DDR2: variants seen among roughly 807,000 people sequenced by gnomAD.
The protein encoded by DDR2 is discoidin domain-containing receptor 2.
In DDR2, 27 loss-of-function variants were observed where a neutral mutation model predicts 94.9. The ratio of observed to expected loss-of-function variants is 0.28; its 90% CI spans 0.21 to 0.39. DDR2 has a LOEUF of 0.39. Ranked by LOEUF, DDR2 falls within the 10% of genes least tolerant of loss-of-function variation. DDR2 has a pLI of 1.00. For missense variants in DDR2, 783 were observed against 1,076.0 expected (o/e 0.73, Z 3.81); for synonymous variants, 382 against 377.2 (o/e 1.01, Z -0.15).
intron 9 of DDR2, among the ~76,000 whole-genome samples, chr1:162,763,336 CTTTTTTTTTTTTTTTTTTT>C (rs56323242): frequency 1.4e-4 from 8 of 56,542 alleles, no homozygotes; most frequent in Middle Eastern, 0.016. Flanking sequence ...CCACGCCCGG[CTTTTTTTTTTTTTTTTTTT>C]TTTTTTTTTT....
intron 2 of DDR2, among the ~76,000 whole-genome samples, chr1:162,717,208 G>C (rs944597455): frequency 1.3e-5 from 2 of 152,028 alleles, no homozygotes; most frequent in Non-Finnish European, 2.9e-5. Context: ...GCTAATTTTT[G>C]TATTTCTAAC....
At chr1:162,745,963 T>C (rs1662839111) in intron 3 of DDR2, among the ~76,000 whole-genome samples, 1 of 152,362 alleles carries the variant, frequency 6.6e-6, no homozygotes, top group East Asian at 1.9e-4. Flanking sequence ...AAATGCCTGA[T>C]AATTTTTTAT....
rs757680934 is a variant in DDR2 at position 162,770,266 on chromosome 1, T to C, written c.1294-36T>C. 7 of 1,604,150 alleles carry C rather than the reference T, an allele frequency of 4.4e-6. No homozygotes were observed. The Admixed American group carries it at 6.7e-5, about 15-fold the overall frequency. The stretch of plus-strand genomic sequence containing the variant: ...GAGGAGGCATTGACCATCTCTTTTG[T>C]GCCAACATGCCTTTCTCCTTGCTCT... On this transcript the variant is annotated intron_variant, in intron 11 of 17. Coordinates refer to ENST00000367921, the MANE Select transcript of DDR2 (RefSeq NM_006182.4).
At chr1:162,651,835 T>C (rs114159417) in intron 1 of DDR2, among the ~76,000 whole-genome samples, 1,988 of 152,364 alleles carry the variant, frequency 0.013, 16 homozygotes, top group Non-Finnish European at 0.019. Context: ...TGTTTTGTCA[T>C]TCTACTTTCG....
At chr1:162,719,575 T>C (rs938425077) in intron 3 of DDR2, among the ~76,000 whole-genome samples, 3 of 152,212 alleles carry the variant, frequency 2.0e-5, no homozygotes, top group African/African-American at 7.2e-5. Context: ...CCTGGTCCTG[T>C]GGGATCTCAG....
At chr1:162,646,787 G>A (rs1333451050) in intron 1 of DDR2, among the ~76,000 whole-genome samples, 4 of 152,136 alleles carry the variant, frequency 2.6e-5, no homozygotes, top group Admixed American at 6.5e-5. Context: ...ATGCCACTCC[G>A]AATTTACTGA....
intron 7 of DDR2, among the ~76,000 whole-genome samples, chr1:162,758,830 G>A (rs997089381): frequency 1.1e-4 from 16 of 152,204 alleles, no homozygotes; most frequent in African/African-American, 3.1e-4. Context: ...TCCCAATCTC[G>A]TCATTTGGGA....
intron 3 of DDR2, among the ~76,000 whole-genome samples, chr1:162,737,921 A>AT (rs1662391944): frequency 1.3e-5 from 2 of 151,814 alleles, no homozygotes; most frequent in African/African-American, 2.4e-5. Flanking sequence ...GATAATGAGC[A>AT]TTTTTTCATG....
At chr1:162,638,891 T>G (rs2101885124) in intron 1 of DDR2, among the ~76,000 whole-genome samples, 1 of 152,284 alleles carries the variant, frequency 6.6e-6, no homozygotes, top group Non-Finnish European at 1.5e-5. Context: ...AAATTAAAAA[T>G]AAGTCCTAAT....
chr1:162,691,679 CT>C (rs1383778105), intron 2 of DDR2, among the ~76,000 whole-genome samples: 3 of 152,220 alleles, frequency 2.0e-5, no homozygotes, highest in Non-Finnish European at 4.4e-5. Context: ...AGTAAATACT[CT>C]TGCCATGTTT....
At chr1:162,756,657 G>C (rs1031621511) in intron 7 of DDR2, among the ~76,000 whole-genome samples, 1 of 152,186 alleles carries the variant, frequency 6.6e-6, no homozygotes, top group Non-Finnish European at 1.5e-5. Context: ...CAGGAAGGGA[G>C]TGTGGAATTA....
At chr1:162,741,678 G>T (rs1056117725) in intron 3 of DDR2, 1 of 985,360 alleles carries the variant, frequency 1.0e-6, no homozygotes, top group Non-Finnish European at 1.2e-6. Flanking sequence ...GGAGGTGCCT[G>T]AGGGAGACAT....
At chr1:162,715,142 T>C (rs555695090) in intron 2 of DDR2, among the ~76,000 whole-genome samples, 1 of 152,308 alleles carries the variant, frequency 6.6e-6, no homozygotes, top group East Asian at 1.9e-4. Flanking sequence ...AATGACCAGA[T>C]GTAGTCACTG....
chr1:162,739,346 T>C (rs1662475303), intron 3 of DDR2, among the ~76,000 whole-genome samples: 1 of 152,122 alleles, frequency 6.6e-6, no homozygotes, highest in Admixed American at 6.5e-5. Context: ...ATGGAGTCTC[T>C]CTCTGTCGCC....
chr1:162,743,138 G>GTT (rs1662691402), intron 3 of DDR2, among the ~76,000 whole-genome samples: 1 of 152,082 alleles, frequency 6.6e-6, no homozygotes, highest in Non-Finnish European at 1.5e-5. Context: ...GTTAATTGCA[G>GTT]TTTCTGGAAG....
At chr1:162,662,766 G>A in intron 2 of DDR2, among the ~76,000 whole-genome samples, 1 of 152,030 alleles carries the variant, frequency 6.6e-6, no homozygotes, top group East Asian at 1.9e-4. Context: ...TGAAGTGCTT[G>A]CAAATACTAA....
chr1:162,774,135 A>G (rs1051632601), intron 14 of DDR2, among the ~76,000 whole-genome samples: 1 of 152,222 alleles, frequency 6.6e-6, no homozygotes, highest in African/African-American at 2.4e-5. Context: ...AAGGATCCAC[A>G]GTTCTCTAGC....
intron 7 of DDR2, among the ~76,000 whole-genome samples, chr1:162,758,290 T>C (rs1571300003): frequency 6.6e-6 from 1 of 152,190 alleles, no homozygotes; most frequent in African/African-American, 2.4e-5. Context: ...AGAGATGACA[T>C]CAGAGTCTCA....
intron 1 of DDR2, among the ~76,000 whole-genome samples, chr1:162,654,818 A>G (rs1657878349): frequency 6.6e-6 from 1 of 152,200 alleles, no homozygotes. Context: ...AGATACGATA[A>G]TCCAACTGTG....
Sources: allele counts gnomAD v4.1 joint callset (sites outside exome capture counted in the v4.1 genomes callset), GRCh38; gene constraint gnomAD v4.1.1; transcripts MANE v1.5; gene names NCBI Gene and HGNC (gene_info 2026-07-23, HGNC 2026-07-21).